MED15: variants seen among roughly 807,000 people sequenced by gnomAD.
The protein encoded by MED15 is mediator of RNA polymerase II transcription subunit 15.
Under a neutral mutation model 118.7 loss-of-function variants are expected in MED15, and 41 were observed. That is an observed-to-expected ratio of 0.35 (90% CI 0.27 to 0.45). The LOEUF (loss-of-function observed/expected upper bound fraction) is 0.45, where lower values mean the gene tolerates loss of function less well. MED15 is among the 20% of genes least tolerant of loss of function. MED15 has a pLI of 1.00. For missense variants in MED15, 740 were observed against 1,025.5 expected (o/e 0.72, Z 3.80); for synonymous variants, 436 against 413.9 (o/e 1.05, Z -0.65).
At chr22:20,550,855 T>C (rs1408874635) in intron 2 of MED15, 2 of 324,144 alleles carry the variant, frequency 6.2e-6, no homozygotes, top group East Asian at 1.7e-4. Flanking sequence ...GGCCTTCACC[T>C]CACCTGAGAG....
chr22:20,527,309 C>G (rs2054680999), intron 1 of MED15, among the ~76,000 whole-genome samples: 1 of 151,944 alleles, frequency 6.6e-6, no homozygotes, highest in Non-Finnish European at 1.5e-5. Context: ...TTTCTTTGAC[C>G]TTTCACTGCT....
intron 1 of MED15, among the ~76,000 whole-genome samples, chr22:20,531,176 TC>T (rs1235159331): frequency 8.7e-6 from 1 of 114,800 alleles, no homozygotes; most frequent in African/African-American, 3.0e-5. Context: ...CTGTGCTCCT[TC>T]CCTAGGAAGC....
rs1400841264 is a variant in MED15, at chr22:20,509,296, A to G, written c.68+1550A>G. 2.6e-5 allele frequency among the ~76,000 whole-genome samples: 4 copies of G among 152,204 alleles called. No homozygotes were observed. The East Asian group carries it at 5.8e-4, about 22-fold the overall frequency. ...AAATGCCAGTGTTGGGAATATGCCT[A>G]GAGTCCCTGTCCCTGGAGATGGATG... On this transcript the variant is annotated intron_variant, in intron 1 of 17. Transcript: ENST00000263205.
At chr22:20,573,089 C>A (rs1162287852) in intron 8 of MED15, among the ~76,000 whole-genome samples, 2 of 152,106 alleles carry the variant, frequency 1.3e-5, no homozygotes, top group Non-Finnish European at 2.9e-5. Context: ...CTGCCTCAGC[C>A]TCCCAAGTAC....
At chr22:20,518,573 T>C (rs1468168349) in intron 1 of MED15, among the ~76,000 whole-genome samples, 1 of 152,200 alleles carries the variant, frequency 6.6e-6, no homozygotes, top group African/African-American at 2.4e-5. Flanking sequence ...TGACACGAAC[T>C]GAACAGATTA....
At chr22:20,534,352 CA>C (rs1016526143) in intron 1 of MED15, among the ~76,000 whole-genome samples, 4 of 151,796 alleles carry the variant, frequency 2.6e-5, no homozygotes, top group African/African-American at 9.7e-5. Flanking sequence ...CCTGTCTCTA[CA>C]AAAAAAGTAA....
At chr22:20,511,031 G>T (rs1019680280) in intron 1 of MED15, among the ~76,000 whole-genome samples, 2 of 152,110 alleles carry the variant, frequency 1.3e-5, no homozygotes, top group East Asian at 1.9e-4. Flanking sequence ...TAGGGTTCAC[G>T]TTGAAAGTCG....
intron 5 of MED15, 78 bp from the exon 6 acceptor site, chr22:20,564,372 T>G: frequency 2.5e-6 from 4 of 1,570,282 alleles, no homozygotes; most frequent in Non-Finnish European, 2.6e-6. Flanking sequence ...CTGGCTGTTT[T>G]GTCCCTTGCT....
In MED15 at chr22:20,543,111, TTGTGTGTGTGTGTGTGTGTGTG is replaced by T. The variant is rs61279859; in HGVS notation, c.156+5927_156+5948del. On this transcript the variant is annotated intron_variant, in intron 2 of 17. Coordinates refer to ENST00000263205, the MANE Select transcript of MED15 (RefSeq NM_001003891.3). ...TCTTCCCTCAATTTCTCTCTCTTCT[TTGTGTGTGTGTGTGTGTGTGTG>T]TGTGTGTGTGTGTGTGTGTATTTTT... 3.6e-3 allele frequency among the ~76,000 whole-genome samples: 508 copies of T among 141,180 alleles called. 5 individuals are homozygous for T. Among genetic ancestry groups the T allele is most frequent in the Middle Eastern group, 0.014 (4 of 284 alleles). The allele number at this position is 141,180 out of a possible 152,430, so 92.6% of individuals were successfully genotyped here. A position where few individuals can be genotyped will look rare whatever the true frequency, so the allele number is the denominator to read the frequency against.
chr22:20,560,486 A>G (rs2056192707), intron 5 of MED15, among the ~76,000 whole-genome samples: 2 of 152,118 alleles, frequency 1.3e-5, no homozygotes, highest in African/African-American at 4.8e-5. Context: ...GATGTTCTCG[A>G]TCTCCAGACC....
chr22:20,569,212 A>T (rs545181200), intron 8 of MED15, among the ~76,000 whole-genome samples: 1 of 152,232 alleles, frequency 6.6e-6, no homozygotes, highest in East Asian at 1.9e-4. Flanking sequence ...TGGAATGCAG[A>T]TGGCCTTGTC....
chr22:20,533,886 G>C (rs995745233), intron 1 of MED15, among the ~76,000 whole-genome samples: 3 of 152,292 alleles, frequency 2.0e-5, no homozygotes, highest in Middle Eastern at 6.8e-3. Context: ...CCACCTCAGA[G>C]CTATTGCACT....
chr22:20,562,626 C>T (rs557604861), intron 5 of MED15, among the ~76,000 whole-genome samples: 17 of 152,316 alleles, frequency 1.1e-4, no homozygotes, highest in Non-Finnish European at 2.2e-4. Flanking sequence ...AAGTGATCCT[C>T]CTGCCTGAGC....
At chr22:20,571,144 G>C (rs1388662496) in intron 8 of MED15, among the ~76,000 whole-genome samples, 1 of 152,220 alleles carries the variant, frequency 6.6e-6, no homozygotes, top group African/African-American at 2.4e-5. Context: ...TGCAGGCCCA[G>C]CTGGTATGTT....
chr22:20,568,464 A>G, intron 7 of MED15, 57 bp from the exon 8 acceptor site: 3 of 1,586,614 alleles, frequency 1.9e-6, no homozygotes, highest in Non-Finnish European at 2.6e-6. Flanking sequence ...CAGGAAGACT[A>G]GGCTCTGCTC....
chr22:20,575,370 T>C, intron 9 of MED15, 138 bp downstream of exon 9: 7 of 439,572 alleles, frequency 1.6e-5, no homozygotes, highest in Non-Finnish European at 2.3e-5. Context: ...CACAGTCCCT[T>C]TTTTTTTTTT....
chr22:20,521,460 GATCT>G (rs1012161517), intron 1 of MED15, among the ~76,000 whole-genome samples: 7 of 150,302 alleles, frequency 4.7e-5, no homozygotes, highest in Admixed American at 4.6e-4. Context: ...ACAGTGGCGT[GATCT>G]TGGCTCACTG....
At chr22:20,521,348 C>T (rs967912083) in intron 1 of MED15, among the ~76,000 whole-genome samples, 11 of 151,722 alleles carry the variant, frequency 7.3e-5, no homozygotes, top group Admixed American at 2.0e-4. Flanking sequence ...CCACCCACCT[C>T]GGCCTCCCAA....
rs780569527 is a variant in MED15 at position 20,553,096 on chromosome 22, T to C, written c.209-49T>C. On this transcript the variant is annotated intron_variant, in intron 3 of 17. Transcript: ENST00000263205. Reference sequence around the variant, plus strand: ...TGACCTACCCATGGAAATATGTGGTTATATAAAACTATGTTTACTTTCGTT... The same window carrying C: ...TGACCTACCCATGGAAATATGTGGTCATATAAAACTATGTTTACTTTCGTT... The C allele has an allele frequency of 9.0e-6, 14 of 1,554,284 alleles. No homozygotes were observed. In the South Asian group the frequency reaches 1.2e-4, roughly 14 times the overall value.
Sources: gnomAD v4.1 joint callset for allele counts (sites outside exome capture counted in the v4.1 genomes callset) on GRCh38, gnomAD v4.1.1 for gene constraint, MANE v1.5 for transcripts, NCBI Gene and HGNC (gene_info 2026-07-23, HGNC 2026-07-21) for gene names.